The following THRB variants were observed in gnomAD, a reference collection of about 807,000 sequenced individuals.
The protein encoded by THRB is nuclear receptor subfamily 1 group A member 2.
A neutral mutation model predicts 47.8 loss-of-function variants in THRB; 12 were observed. The ratio of observed to expected loss-of-function variants is 0.25; its 90% CI spans 0.16 to 0.41. The LOEUF (loss-of-function observed/expected upper bound fraction) is 0.41. THRB is among the 10% of genes least tolerant of loss of function. THRB has a pLI of 1.00. For missense variants in THRB, 348 were observed against 589.2 expected, an observed-to-expected ratio of 0.59 and a Z score of 4.24; for synonymous variants, 218 against 212.2, an observed-to-expected ratio of 1.03 and a Z score of -0.24.
At chr3:24,406,173 A>T (rs2067807760) in intron 1 of THRB, among the ~76,000 whole-genome samples, 1 of 151,728 alleles carries the variant, frequency 6.6e-6, no homozygotes, top group East Asian at 2.0e-4. Context: ...TTTCCTTGTC[A>T]TTATATTTGC....
intron 10 of THRB, among the ~76,000 whole-genome samples, chr3:24,123,523 C>T (rs928515230): frequency 6.6e-6 from 1 of 152,066 alleles, no homozygotes; most frequent in Non-Finnish European, 1.5e-5. Flanking sequence ...CGTGGACATG[C>T]ATAGAAGGGG....
At chr3:24,390,026 G>A (rs1237417342) in intron 1 of THRB, among the ~76,000 whole-genome samples, 3 of 152,134 alleles carry the variant, frequency 2.0e-5, no homozygotes, top group African/African-American at 7.2e-5. Flanking sequence ...AGGAACCAGA[G>A]ATGTCTCAAG....
intron 5 of THRB, among the ~76,000 whole-genome samples, chr3:24,162,868 T>C (rs1024022891): frequency 2.0e-5 from 3 of 151,896 alleles, no homozygotes; most frequent in Non-Finnish European, 4.4e-5. Flanking sequence ...CTCTGTATAT[T>C]AGAAAATAAA....
chr3:24,225,525 T>C (rs992161765), intron 4 of THRB, among the ~76,000 whole-genome samples: 7 of 152,212 alleles, frequency 4.6e-5, no homozygotes, highest in African/African-American at 1.7e-4. Flanking sequence ...TGCCATATCC[T>C]AATATCATAC....
At chr3:24,385,793 G>A (rs753383666) in intron 1 of THRB, among the ~76,000 whole-genome samples, 2 of 152,084 alleles carry the variant, frequency 1.3e-5, no homozygotes, top group East Asian at 3.9e-4. Context: ...GGCCTATAGA[G>A]CTTCTAGAAA....
intron 1 of THRB, among the ~76,000 whole-genome samples, chr3:24,373,791 T>C (rs2065079581): frequency 6.6e-6 from 1 of 152,158 alleles, no homozygotes; most frequent in African/African-American, 2.4e-5. Flanking sequence ...CTTAGGAGTA[T>C]GAGCCTGTAA....
intron 5 of THRB, among the ~76,000 whole-genome samples, chr3:24,163,090 C>G (rs1310248951): frequency 6.6e-6 from 1 of 152,142 alleles, no homozygotes; most frequent in Non-Finnish European, 1.5e-5. Context: ...CGAGACACTA[C>G]TGATGTCATT....
chr3:24,226,762 T>C (rs1486779509), intron 4 of THRB, among the ~76,000 whole-genome samples: 2 of 152,290 alleles, frequency 1.3e-5, no homozygotes, highest in East Asian at 3.9e-4. Context: ...AGAACAAGGG[T>C]CCACAAAGTA....
At chr3:24,202,646 T>G (rs773343044) in intron 4 of THRB, among the ~76,000 whole-genome samples, 3 of 152,186 alleles carry the variant, frequency 2.0e-5, no homozygotes, top group Non-Finnish European at 2.9e-5. Flanking sequence ...AAGGATAATT[T>G]TGAGTTTATG....
At chr3:24,163,295 A>T (rs2039155779) in intron 5 of THRB, among the ~76,000 whole-genome samples, 1 of 152,182 alleles carries the variant, frequency 6.6e-6, no homozygotes, top group Non-Finnish European at 1.5e-5. Flanking sequence ...GTGGCCTTTC[A>T]ATGACATATG....
chr3:24,168,347 G>A (rs890388334), intron 5 of THRB, among the ~76,000 whole-genome samples: 2 of 152,010 alleles, frequency 1.3e-5, no homozygotes, highest in Non-Finnish European at 2.9e-5. Flanking sequence ...AAGCTTCAGT[G>A]AGGTTGTTGT....
intron 1 of THRB, among the ~76,000 whole-genome samples, chr3:24,398,065 A>C (rs566251361): frequency 1.3e-3 from 195 of 152,292 alleles, no homozygotes; most frequent in African/African-American, 4.5e-3. Flanking sequence ...ATAACTGCTT[A>C]TGTATCAATG....
chr3:24,201,561 TAGAC>T, intron 4 of THRB, among the ~76,000 whole-genome samples: 1 of 152,306 alleles, frequency 6.6e-6, no homozygotes, highest in Non-Finnish European at 1.5e-5. Flanking sequence ...CCATATAAAG[TAGAC>T]AGAATTTGTT....
chr3:24,217,497 G>C (rs958690490), intron 4 of THRB, among the ~76,000 whole-genome samples: 1 of 151,598 alleles, frequency 6.6e-6, no homozygotes, highest in Non-Finnish European at 1.5e-5. Flanking sequence ...CAGGTAAGAT[G>C]TTTGAAAGCA....
intron 1 of THRB, among the ~76,000 whole-genome samples, chr3:24,365,973 C>A (rs1364160724): frequency 6.6e-6 from 1 of 152,090 alleles, no homozygotes; most frequent in Non-Finnish European, 1.5e-5. Flanking sequence ...ATATTCTAAT[C>A]GGGCGTATTT....
At chr3:24,206,126 G>A (rs1206230128) in intron 4 of THRB, among the ~76,000 whole-genome samples, 1 of 152,066 alleles carries the variant, frequency 6.6e-6, no homozygotes, top group Non-Finnish European at 1.5e-5. Context: ...TCCAGGAATT[G>A]AACTCACCTC....
At chr3:24,326,968 T>G (rs1030009267) in intron 2 of THRB, among the ~76,000 whole-genome samples, 3 of 151,924 alleles carry the variant, frequency 2.0e-5, no homozygotes, top group Non-Finnish European at 2.9e-5. Flanking sequence ...TTTCACCATA[T>G]TGGCCAGGCT....
intron 4 of THRB, among the ~76,000 whole-genome samples, chr3:24,210,111 A>G (rs1251854362): frequency 6.6e-6 from 1 of 152,146 alleles, no homozygotes; most frequent in African/African-American, 2.4e-5. Flanking sequence ...CAATGTGGCA[A>G]GTTCAGGGGA....
At chr3:24,160,455 G>A (rs777397041) in intron 5 of THRB, among the ~76,000 whole-genome samples, 4 of 152,148 alleles carry the variant, frequency 2.6e-5, no homozygotes, top group African/African-American at 7.2e-5. Flanking sequence ...AAAACATGGC[G>A]GGAGGTATCT....
Sources: allele counts gnomAD v4.1 joint callset (sites outside exome capture counted in the v4.1 genomes callset), GRCh38; gene constraint gnomAD v4.1.1; transcripts MANE v1.5; gene names NCBI Gene and HGNC (gene_info 2026-07-23, HGNC 2026-07-21).